The following PALM2AKAP2 variants were observed in gnomAD, a reference collection of about 807,000 sequenced individuals.
The protein encoded by PALM2AKAP2 is PALM2-AKAP2 fusion protein.
PALM2AKAP2 carries 37 observed loss-of-function variants against 71.5 expected under a neutral mutation model. The ratio of observed to expected loss-of-function variants is 0.52; its 90% CI spans 0.40 to 0.68. The LOEUF (loss-of-function observed/expected upper bound fraction) is 0.68. PALM2AKAP2 is among the 30% of genes least tolerant of loss of function. The pLI is 0.00. For missense variants in PALM2AKAP2, 1,224 were observed against 1,191.8 expected (o/e 1.03, Z -0.40); for synonymous variants, 468 against 478.8 (o/e 0.98, Z 0.29).
At chr9:109,809,342 C>T (rs995810314) in intron 1 of PALM2AKAP2, among the ~76,000 whole-genome samples, 2 of 152,142 alleles carry the variant, frequency 1.3e-5, no homozygotes, top group Non-Finnish European at 2.9e-5. Flanking sequence ...CTTGCATCAG[C>T]GTGACCTGGA....
chr9:110,159,576 C>T (rs556376595), intron 3 of PALM2AKAP2, among the ~76,000 whole-genome samples: 90 of 152,238 alleles, frequency 5.9e-4, no homozygotes, highest in South Asian at 1.9e-3. Context: ...ACAAGACAGG[C>T]GCTGATCATT....
At chr9:109,711,297 A>G (rs78039649) in intron 1 of PALM2AKAP2, among the ~76,000 whole-genome samples, 6,439 of 152,288 alleles carry the variant, frequency 0.042, 181 homozygotes, top group Non-Finnish European at 0.053. Flanking sequence ...TCTTCTGAAC[A>G]TAAACAGGAG....
intron 6 of PALM2AKAP2, among the ~76,000 whole-genome samples, chr9:110,009,546 C>T (rs542843087): frequency 6.6e-6 from 1 of 152,004 alleles, no homozygotes; most frequent in South Asian, 2.1e-4. Context: ...AACCCTGTCT[C>T]AACTAAAAAT....
chr9:109,981,574 T>C (rs1832271909), intron 6 of PALM2AKAP2, among the ~76,000 whole-genome samples: 4 of 152,224 alleles, frequency 2.6e-5, no homozygotes, highest in Admixed American at 2.6e-4. Flanking sequence ...CACATAAATG[T>C]TGCTTAGCAA....
chr9:109,702,647 G>A (rs994776450), intron 1 of PALM2AKAP2, among the ~76,000 whole-genome samples: 5 of 151,810 alleles, frequency 3.3e-5, no homozygotes, highest in African/African-American at 1.2e-4. Flanking sequence ...AATGTTAAAT[G>A]AGGAGTTAAT....
At chr9:109,684,330 G>A (rs1280418019) in intron 1 of PALM2AKAP2, among the ~76,000 whole-genome samples, 2 of 152,174 alleles carry the variant, frequency 1.3e-5, no homozygotes, top group Non-Finnish European at 2.9e-5. Flanking sequence ...CACCTGTGGA[G>A]TTTCTAATGC....
At chr9:109,802,437 G>T (rs372042272) in intron 1 of PALM2AKAP2, among the ~76,000 whole-genome samples, 133 of 152,286 alleles carry the variant, frequency 8.7e-4, no homozygotes, top group African/African-American at 3.0e-3. Flanking sequence ...CAGAGTCCCA[G>T]ACACCAGCCA....
At chr9:110,135,719 T>C (rs1835848173) in intron 1 of PALM2AKAP2, among the ~76,000 whole-genome samples, 1 of 152,234 alleles carries the variant, frequency 6.6e-6, no homozygotes, top group Non-Finnish European at 1.5e-5. Context: ...CCAGAATAAC[T>C]GCATTACATC....
At chr9:110,055,016 G>A (rs148918092) in intron 1 of PALM2AKAP2, among the ~76,000 whole-genome samples, 3,077 of 152,068 alleles carry the variant, frequency 0.02, 47 homozygotes, top group Non-Finnish European at 0.032. Flanking sequence ...GCCCCTACCC[G>A]CCAGCTGCCA....
chr9:110,125,749 G>A (rs887705474), intron 1 of PALM2AKAP2, among the ~76,000 whole-genome samples: 1 of 151,598 alleles, frequency 6.6e-6, no homozygotes, highest in African/African-American at 2.4e-5. Context: ...AGGCAGCCGA[G>A]CTCAGACTGG....
chr9:109,966,886 G>A (rs1831960175), intron 6 of PALM2AKAP2, among the ~76,000 whole-genome samples: 1 of 152,184 alleles, frequency 6.6e-6, no homozygotes, highest in African/African-American at 2.4e-5. Context: ...CCGCGGGTCT[G>A]CCGGCCACTC....
chr9:109,737,475 A>C (rs1247418489), intron 1 of PALM2AKAP2, among the ~76,000 whole-genome samples: 1 of 152,220 alleles, frequency 6.6e-6, no homozygotes, highest in Non-Finnish European at 1.5e-5. Flanking sequence ...TTGGAAGAAG[A>C]GGCAAGTGAA....
chr9:109,663,726 A>T (rs1023303342), intron 1 of PALM2AKAP2, among the ~76,000 whole-genome samples: 1 of 152,194 alleles, frequency 6.6e-6, no homozygotes, highest in Non-Finnish European at 1.5e-5. Flanking sequence ...AGCTGAGTTC[A>T]GGTCCTGGAT....
At chr9:110,133,873 TTTAC>T (rs780822521) in intron 1 of PALM2AKAP2, among the ~76,000 whole-genome samples, 3 of 152,230 alleles carry the variant, frequency 2.0e-5, no homozygotes, top group Non-Finnish European at 2.9e-5. Flanking sequence ...TTGGCCTAGG[TTTAC>T]TTGAAATTGA....
intron 1 of PALM2AKAP2, among the ~76,000 whole-genome samples, chr9:109,642,232 G>A (rs764458219): frequency 9.9e-5 from 15 of 151,864 alleles, no homozygotes; most frequent in Non-Finnish European, 2.2e-4. Flanking sequence ...ACACTTTGCT[G>A]AATGATGTTA....
At position 110,084,902 on chromosome 9, in the gene PALM2AKAP2, A is replaced by ATT. The variant is rs35600473; in HGVS notation, c.156+36057_156+36058dup. Among the ~76,000 whole-genome samples, 431 of 147,806 alleles carry ATT rather than the reference A, an allele frequency of 2.9e-3. 3 individuals carry two copies. Among genetic ancestry groups the ATT allele is most frequent in the African/African-American group, 7.8e-3 (313 of 40,236 alleles). ...AGGCATGTGCCACCACGCCCAGCTG[A>ATT]TTTTTTTTTTTGTATTTTTAGTAGA... On this transcript the variant is annotated intron_variant, in intron 1 of 3. Transcript: ENST00000374525.
At chr9:109,981,666 T>C (rs1362057254) in intron 6 of PALM2AKAP2, among the ~76,000 whole-genome samples, 1 of 152,208 alleles carries the variant, frequency 6.6e-6, no homozygotes, top group Non-Finnish European at 1.5e-5. Flanking sequence ...GTTTTTGTTT[T>C]TGAGATAGGG....
intron 1 of PALM2AKAP2, among the ~76,000 whole-genome samples, chr9:109,791,614 G>T (rs1212438337): frequency 6.6e-6 from 1 of 152,222 alleles, no homozygotes; most frequent in African/African-American, 2.4e-5. Context: ...TCCGGAGAGG[G>T]TCCATGTGCC....
chr9:109,787,173 A>G (rs1264083978), intron 1 of PALM2AKAP2, among the ~76,000 whole-genome samples: 11 of 152,190 alleles, frequency 7.2e-5, no homozygotes, highest in Non-Finnish European at 1.5e-5. Context: ...TGGTATCTGT[A>G]TGATGTCACT....
Sources: gnomAD v4.1 joint callset for allele counts (sites outside exome capture counted in the v4.1 genomes callset) on GRCh38, gnomAD v4.1.1 for gene constraint, MANE v1.5 for transcripts, NCBI Gene and HGNC (gene_info 2026-07-23, HGNC 2026-07-21) for gene names.